Variants in MAPK14 observed in about 807,000 individuals in gnomAD.
The protein encoded by MAPK14 is mitogen-activated protein kinase 14.
A neutral mutation model predicts 49.6 loss-of-function variants in MAPK14; 16 were observed. That is an observed-to-expected ratio of 0.32 (90% CI 0.22 to 0.49). The LOEUF (loss-of-function observed/expected upper bound fraction) is 0.49. Among genes scored for constraint, MAPK14 ranks in the 20% least tolerant of loss-of-function variants. The probability of loss-of-function intolerance (pLI) is 0.99; values close to 1 mark genes in which losing one functional copy is unlikely to be tolerated. For missense variants in MAPK14, 200 were observed against 441.2 expected (o/e 0.45, Z 4.90); for synonymous variants, 142 against 158.0 (o/e 0.90, Z 0.76).
At chr6:36,062,879 A>G (rs1763881418) in intron 3 of MAPK14, among the ~76,000 whole-genome samples, 1 of 152,014 alleles carries the variant, frequency 6.6e-6, no homozygotes, top group East Asian at 1.9e-4. Context: ...ACTGGTCATG[A>G]ACGCTTGACC....
In MAPK14 at chr6:36,059,232, G is replaced by A. The variant is rs1763707192; in HGVS notation, c.247-57G>A. 4.0e-5 allele frequency: 43 copies of A among 1,064,800 alleles called. 1 individual carries two copies. The South Asian group carries it at 5.7e-4, about 14-fold the overall frequency. The allele number at this position is 1,064,800 out of a possible 1,614,324, so 66.0% of individuals were successfully genotyped here. On this transcript the variant is annotated intron_variant, in intron 2 of 11. Coordinates refer to ENST00000229794, the MANE Select transcript of MAPK14 (RefSeq NM_139012.3). ...AAAAAAAAGAAGATTAAGACCTGATGGGTACTATACTGAGTTTAATATTTA... is the reference window on the plus strand; with the variant it reads ...AAAAAAAAGAAGATTAAGACCTGATAGGTACTATACTGAGTTTAATATTTA...
intron 1 of MAPK14, among the ~76,000 whole-genome samples, chr6:36,049,962 G>A (rs945654286): frequency 6.6e-6 from 1 of 152,204 alleles, no homozygotes; most frequent in African/African-American, 2.4e-5. Context: ...GTGAAGGCAA[G>A]GGCAACTCTT....
intron 9 of MAPK14, chr6:36,100,071 A>C: frequency 1.0e-5 from 7 of 686,614 alleles, no homozygotes; most frequent in East Asian, 2.7e-5. Context: ...GGTAGGGGGA[A>C]TGGAGGGTAG....
chr6:36,039,990 A>G (rs1030976544), intron 1 of MAPK14, among the ~76,000 whole-genome samples: 1 of 145,316 alleles, frequency 6.9e-6, no homozygotes, highest in Non-Finnish European at 1.5e-5. Flanking sequence ...AGCAAGACTC[A>G]GTCTCAAAAA....
At chr6:36,058,134 T>C (rs996546133) in intron 2 of MAPK14, among the ~76,000 whole-genome samples, 1 of 152,208 alleles carries the variant, frequency 6.6e-6, no homozygotes, top group African/African-American at 2.4e-5. Flanking sequence ...AAATAGACTT[T>C]TTTTTTCATT....
chr6:36,077,834 G>C (rs1322020950), intron 8 of MAPK14, among the ~76,000 whole-genome samples: 4 of 152,068 alleles, frequency 2.6e-5, no homozygotes, highest in Non-Finnish European at 5.9e-5. Context: ...CTGTTTCTCA[G>C]AAATTTGGTA....
chr6:36,116,446 G>C, the MAPK14 span, among the ~76,000 whole-genome samples: 1 of 151,988 alleles, frequency 6.6e-6, no homozygotes, highest in South Asian at 2.1e-4. Flanking sequence ...ATGCAGAAAA[G>C]TATTTGTTTG....
chr6:36,055,094 C>T (rs1157575371), intron 2 of MAPK14, among the ~76,000 whole-genome samples: 1 of 152,204 alleles, frequency 6.6e-6, no homozygotes, highest in Admixed American at 6.5e-5. Context: ...GAGTTTCTCT[C>T]TGAACAAAGT....
intron 1 of MAPK14, among the ~76,000 whole-genome samples, chr6:36,037,790 A>G (rs989826772): frequency 6.6e-6 from 1 of 152,094 alleles, no homozygotes; most frequent in Non-Finnish European, 1.5e-5. Context: ...AGAAACCAGC[A>G]TCCTGGGAAA....
At chr6:36,060,401 C>T (rs1368233717) in intron 3 of MAPK14, among the ~76,000 whole-genome samples, 1 of 152,126 alleles carries the variant, frequency 6.6e-6, no homozygotes, top group Non-Finnish European at 1.5e-5. Context: ...TCTCCCTGCC[C>T]CCAGTTCACA....
At chr6:36,048,570 A>C (rs988165420) in intron 1 of MAPK14, among the ~76,000 whole-genome samples, 8 of 152,256 alleles carry the variant, frequency 5.3e-5, no homozygotes, top group African/African-American at 1.7e-4. Context: ...ATATTGGTGA[A>C]ATGAAGAGCA....
chr6:36,092,400 C>G, intron 8 of MAPK14: 1 of 682,340 alleles, frequency 1.5e-6, no homozygotes, highest in Non-Finnish European at 2.7e-6. Flanking sequence ...CATTGGTGGT[C>G]AGGACTGTTT....
At chr6:36,052,446 T>C (rs1763438151) in intron 1 of MAPK14, among the ~76,000 whole-genome samples, 2 of 152,202 alleles carry the variant, frequency 1.3e-5, no homozygotes. Context: ...AATATTACTA[T>C]CTGGCCCTTC....
At chr6:36,029,056 C>T (rs1237755334) in intron 1 of MAPK14, 1 of 151,904 alleles carries the variant, frequency 6.6e-6, no homozygotes, top group Non-Finnish European at 1.5e-5. Context: ...CATACCACTG[C>T]TCATTTAAGT....
chr6:36,085,130 C>T (rs745817731), intron 8 of MAPK14, among the ~76,000 whole-genome samples: 24 of 152,158 alleles, frequency 1.6e-4, no homozygotes, highest in Non-Finnish European at 2.8e-4. Context: ...TGAGGGAATT[C>T]GTCACCACCA....
At chr6:36,052,062 G>C (rs1290973174) in intron 1 of MAPK14, among the ~76,000 whole-genome samples, 2 of 152,046 alleles carry the variant, frequency 1.3e-5, no homozygotes, top group Admixed American at 6.6e-5. Flanking sequence ...TTTAGTCATA[G>C]TATTTTCATC....
rs145323318 is a variant in MAPK14, at chr6:36,058,254, A to G, written c.247-1035A>G. ...TAAAAATGTCAGTTTTGAAGCATAT[A>G]CAGTTAATATGGAAATTTTTCGTGG... On this transcript the variant is annotated intron_variant, in intron 2 of 11. Transcript: ENST00000229794. Among the ~76,000 whole-genome samples the G allele has an allele frequency of 5.8e-4, 88 of 152,330 alleles. 1 individual carries two copies. In the South Asian group the frequency reaches 0.014, roughly 25 times the overall value.
intron 1 of MAPK14, among the ~76,000 whole-genome samples, chr6:36,051,521 C>G (rs1313522979): frequency 6.6e-6 from 1 of 152,212 alleles, no homozygotes; most frequent in Non-Finnish European, 1.5e-5. Context: ...CCCTTGCTCC[C>G]TGTGCTCTAC....
downstream of MAPK14, among the ~76,000 whole-genome samples, chr6:36,113,995 G>A (rs924511771): frequency 6.6e-6 from 1 of 152,208 alleles, no homozygotes; most frequent in African/African-American, 2.4e-5. Flanking sequence ...GTATTTTAAG[G>A]ATCTTAAGCA....
Sources: allele counts gnomAD v4.1 joint callset (sites outside exome capture counted in the v4.1 genomes callset), GRCh38; gene constraint gnomAD v4.1.1; transcripts MANE v1.5; gene names NCBI Gene and HGNC (gene_info 2026-07-23, HGNC 2026-07-21).